Variants in CLEC16A observed in about 807,000 individuals in gnomAD.
CLEC16A encodes protein CLEC16A.
A neutral mutation model predicts 109.5 loss-of-function variants in CLEC16A; 51 were observed. The observed-to-expected ratio is 0.47, with a 90% CI of 0.37 to 0.59. The LOEUF (loss-of-function observed/expected upper bound fraction) is 0.59. CLEC16A is among the 20% of genes least tolerant of loss of function. The pLI, the probability that CLEC16A is intolerant of heterozygous loss-of-function variation, is 0.00. For synonymous variants in CLEC16A, 673 were observed against 564.2 expected (o/e 1.19, Z -2.73); for missense variants, 1,339 against 1,394.0 (o/e 0.96, Z 0.63).
intron 1 of CLEC16A, among the ~76,000 whole-genome samples, chr16:10,951,611 G>A (rs1313878450): frequency 2.0e-5 from 3 of 152,182 alleles, no homozygotes; most frequent in Admixed American, 6.5e-5. Context: ...CCAAAGGGTC[G>A]ATTGTTTCTG....
chr16:11,012,002 G>GT (rs1240227681), intron 11 of CLEC16A, among the ~76,000 whole-genome samples: 1 of 152,038 alleles, frequency 6.6e-6, no homozygotes. Flanking sequence ...AGTTCAGGAT[G>GT]TTTTTGCAAT....
At chr16:11,039,983 G>A (rs1473717010) in intron 14 of CLEC16A, 107 bp downstream of exon 14, 11 of 1,372,244 alleles carry the variant, frequency 8.0e-6, no homozygotes, top group Admixed American at 2.8e-5. Flanking sequence ...CTGAGAATCC[G>A]GGCCCATCCC....
At chr16:10,967,759 T>A (rs2042581819) in intron 3 of CLEC16A, among the ~76,000 whole-genome samples, 1 of 151,906 alleles carries the variant, frequency 6.6e-6, no homozygotes, top group African/African-American at 2.4e-5. Context: ...GTGGGGAGGG[T>A]CAGCAGTTTG....
At chr16:11,170,288 G>T (rs1385119126) in intron 23 of CLEC16A, among the ~76,000 whole-genome samples, 1 of 152,170 alleles carries the variant, frequency 6.6e-6, no homozygotes, top group Non-Finnish European at 1.5e-5. Flanking sequence ...AGAAGGCTGG[G>T]TGGTGTGAAC....
Position 11,033,766 on chromosome 16 carries a change from A to T in CLEC16A, c.1538-5988A>T, listed in dbSNP as rs571961625. Among the ~76,000 whole-genome samples the T allele has an allele frequency of 2.0e-5, 3 of 152,340 alleles. No individual in the cohort carries two copies. The South Asian group carries it at 6.2e-4, about 32-fold the overall frequency. On this transcript the variant is annotated intron_variant, in intron 13 of 23. Coordinates refer to ENST00000409790, the MANE Select transcript of CLEC16A (RefSeq NM_015226.3). ...GGCCTTCCAGTAATCATAATAGATT[A>T]GATGCTGCACCGAAATGAATATCCC... is the stretch of plus-strand genomic sequence containing the variant.
At chr16:10,963,377 T>C (rs1453651508) in intron 3 of CLEC16A, among the ~76,000 whole-genome samples, 1 of 152,230 alleles carries the variant, frequency 6.6e-6, no homozygotes, top group Non-Finnish European at 1.5e-5. Flanking sequence ...GTTCAGTCCC[T>C]AAGCCTGTGT....
At chr16:11,020,488 G>A (rs2046033315) in intron 12 of CLEC16A, among the ~76,000 whole-genome samples, 163 bp downstream of exon 12, 1 of 152,270 alleles carries the variant, frequency 6.6e-6, no homozygotes, top group African/African-American at 2.4e-5. Context: ...CAGAAGCATG[G>A]AGACGGAGCC....
chr16:11,162,146 T>C (rs1369543269), intron 22 of CLEC16A, among the ~76,000 whole-genome samples: 1 of 152,250 alleles, frequency 6.6e-6, no homozygotes, highest in Non-Finnish European at 1.5e-5. Flanking sequence ...TATTCATTAG[T>C]TCATCTTCCC....
At chr16:10,962,008 A>G (rs1469022961) in intron 2 of CLEC16A, among the ~76,000 whole-genome samples, 1 of 141,342 alleles carries the variant, frequency 7.1e-6, no homozygotes, top group African/African-American at 2.7e-5. Context: ...GCTGGAGTGC[A>G]GTGGCCTGAT....
intron 18 of CLEC16A, among the ~76,000 whole-genome samples, chr16:11,052,749 C>T (rs1057028766): frequency 1.3e-5 from 2 of 152,188 alleles, no homozygotes; most frequent in Non-Finnish European, 2.9e-5. Flanking sequence ...ATGATGCTGA[C>T]GTGCTCACCC....
In CLEC16A at chr16:11,067,421, G is replaced by T. The variant is rs891619540; in HGVS notation, c.2116+6399G>T. Among the ~76,000 whole-genome samples, 10 of 152,038 alleles carry T rather than the reference G, an allele frequency of 6.6e-5. No homozygotes were observed. In the South Asian group the frequency reaches 1.0e-3, roughly 16 times the overall value. ...GGGCCCATTTGAGGGCTGCAGGGGG[G>T]GTGTGGGTGCCGAGAAGTGGCGCAG... On this transcript the variant is annotated intron_variant, in intron 19 of 23. Coordinates refer to ENST00000409790, the MANE Select transcript of CLEC16A (RefSeq NM_015226.3).
intron 17 of CLEC16A, among the ~76,000 whole-genome samples, chr16:11,049,756 A>G (rs978923558): frequency 6.6e-6 from 1 of 152,200 alleles, no homozygotes; most frequent in Non-Finnish European, 1.5e-5. Context: ...GTGATGGCCT[A>G]GCTCTGCCCC....
chr16:11,169,928 T>C (rs906910641), intron 23 of CLEC16A, among the ~76,000 whole-genome samples: 16 of 152,074 alleles, frequency 1.1e-4, no homozygotes, highest in African/African-American at 3.9e-4. Context: ...GATGTCCCCT[T>C]GTTGAATCCT....
chr16:11,081,600 C>T (rs1164412020), intron 19 of CLEC16A, among the ~76,000 whole-genome samples: 1 of 152,124 alleles, frequency 6.6e-6, no homozygotes, highest in African/African-American at 2.4e-5. Context: ...ACAAGGTACC[C>T]ACTCCCTGGA....
intron 1 of CLEC16A, among the ~76,000 whole-genome samples, chr16:10,951,151 C>T (rs943642444): frequency 6.6e-6 from 1 of 152,164 alleles, no homozygotes; most frequent in East Asian, 1.9e-4. Flanking sequence ...TGATGCACCT[C>T]GAGTGTGTTG....
intron 1 of CLEC16A, among the ~76,000 whole-genome samples, chr16:10,955,677 C>T (rs560137247): frequency 6.6e-6 from 1 of 152,190 alleles, no homozygotes; most frequent in Non-Finnish European, 1.5e-5. Flanking sequence ...ACCCACCCAC[C>T]TAAGCCACCG....
intron 13 of CLEC16A, among the ~76,000 whole-genome samples, chr16:11,025,492 C>A (rs989939870): frequency 2.6e-5 from 4 of 152,140 alleles, no homozygotes; most frequent in African/African-American, 7.2e-5. Context: ...GCCTTGCTGC[C>A]GACCCCTGGG....
At chr16:11,022,315 C>T (rs2046151276) in intron 12 of CLEC16A, among the ~76,000 whole-genome samples, 2 of 149,378 alleles carry the variant, frequency 1.3e-5, no homozygotes, top group African/African-American at 5.0e-5. Context: ...GACTACAGGC[C>T]AGAGTCACCA....
chr16:11,104,286 A>G (rs1335566914), intron 19 of CLEC16A, among the ~76,000 whole-genome samples: 1 of 114,890 alleles, frequency 8.7e-6, no homozygotes, highest in African/African-American at 3.4e-5. Context: ...TTTTTTTTTT[A>G]TTAAAATTAT....
Sources: gnomAD v4.1 joint callset for allele counts (sites outside exome capture counted in the v4.1 genomes callset) on GRCh38, gnomAD v4.1.1 for gene constraint, MANE v1.5 for transcripts, NCBI Gene and HGNC (gene_info 2026-07-23, HGNC 2026-07-21) for gene names.